The following ITK variants were observed in gnomAD, a reference collection of about 807,000 sequenced individuals.
ITK encodes tyrosine-protein kinase ITK/TSK.
ITK carries 45 observed loss-of-function variants against 87.6 expected under a neutral mutation model. The ratio of observed to expected loss-of-function variants is 0.51; its 90% confidence interval spans 0.40 to 0.66. The LOEUF (loss-of-function observed/expected upper bound fraction) is 0.66, where lower values mean the gene tolerates loss of function less well. Among genes scored for constraint, ITK ranks in the 30% least tolerant of loss-of-function variants. The pLI is 0.00. For synonymous variants in ITK, 303 were observed against 273.6 expected (o/e 1.11, Z -1.06); for missense variants, 605 against 766.3 (o/e 0.79, Z 2.48).
intron 11 of ITK, among the ~76,000 whole-genome samples, chr5:157,242,805 G>A (rs191403571): frequency 2.6e-5 from 4 of 152,146 alleles, no homozygotes; most frequent in African/African-American, 9.7e-5. Context: ...GATACAAGTG[G>A]TCAGAGGGCA....
rs752571215 is a variant in ITK, at chr5:157,208,960, C to T, written c.210C>T (p.Ile70=). 1 of 1,613,804 alleles carries T rather than the reference C, an allele frequency of 6.2e-7. No homozygotes were observed. Among genetic ancestry groups the T allele is most frequent in the Non-Finnish European group, 8.5e-7 (1 of 1,179,716 alleles). ...IKCVEIVKSD[I]SIPCHYKYPF... is the part of the protein sequence containing the mutation. ...GTGTTGAGATTGTGAAAAGTGACAT[C>T]AGCATCCCATGCCACTATAAATACC... Residue 70 remains isoleucine, a synonymous_variant, in exon 2 of 17, where the codon ATC becomes ATT. Transcript: ENST00000422843.
At chr5:157,189,170 C>T (rs1222177316) in intron 1 of ITK, among the ~76,000 whole-genome samples, 1 of 152,164 alleles carries the variant, frequency 6.6e-6, no homozygotes, top group African/African-American at 2.4e-5. Context: ...GGAGTGTCAT[C>T]ATGAATTGAT....
In ITK at chr5:157,248,889, C is replaced by T. The variant is rs1755075247; in HGVS notation, c.1673C>T (p.Pro558Leu). 6 of 1,613,774 alleles carry T rather than the reference C, an allele frequency of 3.7e-6. No homozygotes were observed. Among genetic ancestry groups the T allele is most frequent in the Middle Eastern group, 1.6e-4 (1 of 6,076 alleles). The change falls in exon 16 of 17, where the codon CCG (proline) becomes CTG (leucine). Residue 558 changes from proline (P) to leucine (L), a missense_variant. Coordinates refer to ENST00000422843, the MANE Select transcript of ITK (RefSeq NM_005546.4). ...MWEVFSEGKIPYENRSNSEVV... is the reference protein window; with the variant it reads ...MWEVFSEGKILYENRSNSEVV... Reference sequence around the variant, plus strand: ...GAAGTTTTCAGTGAAGGCAAAATCCCGTATGAAAACCGAAGCAACTCAGAG... The same window carrying T: ...GAAGTTTTCAGTGAAGGCAAAATCCTGTATGAAAACCGAAGCAACTCAGAG...
At chr5:157,211,433 C>T (rs1346195341) in intron 3 of ITK, 65 bp downstream of exon 3, 1 of 1,313,786 alleles carries the variant, frequency 7.6e-7, no homozygotes, top group Admixed American at 1.7e-5. Context: ...TTGGGTTCCA[C>T]AATAGAATAG....
intron 6 of ITK, chr5:157,224,482 A>G (rs1480187088): frequency 6.6e-6 from 1 of 152,086 alleles, no homozygotes; most frequent in Admixed American, 6.5e-5. Flanking sequence ...TCATTTTTAA[A>G]ATAGTTGCAT....
At chr5:157,192,293 G>A (rs1188987766) in intron 1 of ITK, among the ~76,000 whole-genome samples, 1 of 152,172 alleles carries the variant, frequency 6.6e-6, no homozygotes, top group Non-Finnish European at 1.5e-5. Context: ...ACAGAGTAGG[G>A]GTGGTCTGAA....
chr5:157,244,575 T>C (rs1173023944), intron 13 of ITK, 97 bp downstream of exon 13: 3 of 777,256 alleles, frequency 3.9e-6, no homozygotes, highest in Non-Finnish European at 6.8e-6. Flanking sequence ...ACATTACAGA[T>C]AATCTCCTTT....
At chr5:157,205,990 T>TTTTTGAGTC (rs1754071880) in intron 1 of ITK, among the ~76,000 whole-genome samples, 1 of 150,280 alleles carries the variant, frequency 6.7e-6, no homozygotes, top group African/African-American at 2.5e-5. Flanking sequence ...TTTTTTTTTT[T>TTTTTGAGTC]TTTTTGAGTC....
At chr5:157,238,048 C>A in intron 8 of ITK, 61 bp from the exon 9 acceptor site, 1 of 1,252,256 alleles carries the variant, frequency 8.0e-7, no homozygotes, top group South Asian at 1.2e-5. Context: ...GAAAGTGGAG[C>A]TGGAGGCATA....
At chr5:157,224,170 G>C (rs1337507359) in intron 6 of ITK, among the ~76,000 whole-genome samples, 1 of 151,792 alleles carries the variant, frequency 6.6e-6, no homozygotes, top group Non-Finnish European at 1.5e-5. Context: ...TGTAATCCCA[G>C]CTACTCCACT....
Position 157,180,982 on chromosome 5 carries a change from A to G in ITK, c.5A>G (p.Asn2Ser), listed in dbSNP as rs1378999585. The G allele has an allele frequency of 1.9e-6, 3 of 1,613,938 alleles. No homozygotes were observed. Among genetic ancestry groups the G allele is most frequent in the East Asian group, 2.2e-5 (1 of 44,868 alleles). The change falls in exon 1 of 17, where the codon AAC becomes AGC. Residue 2 changes from asparagine to serine, a missense_variant. Asn to Ser is a conservative substitution (Grantham distance 46). Around this residue, in one of 3 missense-constraint regions of ITK, gnomAD observed 464 missense variants for 578.0 expected, o/e 0.80. Transcript: ENST00000422843. M[N>S]NFILLEEQLI... ...CCACCTTTCAAGAACTGGATCATGAACAACTTTATCCTCCTGGAAGAACAG... is the reference window on the plus strand; with the variant it reads ...CCACCTTTCAAGAACTGGATCATGAGCAACTTTATCCTCCTGGAAGAACAG...
intron 3 of ITK, among the ~76,000 whole-genome samples, chr5:157,213,121 G>A (rs1158501645): frequency 3.9e-5 from 6 of 152,156 alleles, no homozygotes; most frequent in Admixed American, 2.6e-4. Context: ...TGGCTGGGAG[G>A]CCTCAGGAAA....
At chr5:157,231,921 T>C (rs1754662923) in intron 7 of ITK, among the ~76,000 whole-genome samples, 2 of 152,194 alleles carry the variant, frequency 1.3e-5, no homozygotes, top group African/African-American at 2.4e-5. Context: ...AGCACCCTCC[T>C]CCTTATAACG....
intron 4 of ITK, among the ~76,000 whole-genome samples, chr5:157,216,176 C>T (rs948249833): frequency 2.6e-5 from 4 of 152,172 alleles, no homozygotes; most frequent in African/African-American, 9.7e-5. Context: ...CAGTTGAGAG[C>T]AGAGTTTTCA....
rs147894084 is a variant in ITK at position 157,243,152 on chromosome 5, G to T, written c.1061-471G>T. On this transcript the variant is annotated intron_variant, in intron 11 of 16. Coordinates refer to ENST00000422843, the MANE Select transcript of ITK (RefSeq NM_005546.4). The stretch of plus-strand genomic sequence containing the variant: ...AACATTTCTTGAGAGCCTCCCATGT[G>T]CCAGACACTGTGCTAGCTTGTGCCT... Among the ~76,000 whole-genome samples the T allele has an allele frequency of 2.2e-3, 338 of 152,316 alleles. 5 individuals are homozygous for T. The highest frequency in any genetic ancestry group is 7.6e-3 in the African/African-American group (316 of 41,564).
intron 3 of ITK, chr5:157,213,813 T>TGG (rs1036150805): frequency 2.3e-5 from 8 of 354,034 alleles, no homozygotes; most frequent in Non-Finnish European, 4.4e-5. Context: ...GTAGGAGAGG[T>TGG]GGGGGGTGGT....
At chr5:157,236,626 A>G (rs1019951338) in intron 8 of ITK, among the ~76,000 whole-genome samples, 3 of 152,206 alleles carry the variant, frequency 2.0e-5, no homozygotes, top group Non-Finnish European at 4.4e-5. Context: ...AGTTAAGTGA[A>G]TCATAATATT....
intron 7 of ITK, among the ~76,000 whole-genome samples, chr5:157,230,672 A>G (rs34906042): frequency 0.016 from 2,486 of 152,362 alleles, 27 homozygotes; most frequent in Non-Finnish European, 0.027. Context: ...AGAAAAAACA[A>G]TAAGCATTTA....
At chr5:157,225,354 T>G (rs1754510017) in intron 6 of ITK, among the ~76,000 whole-genome samples, 1 of 152,126 alleles carries the variant, frequency 6.6e-6, no homozygotes, top group South Asian at 2.1e-4. Flanking sequence ...ATCTTAATTT[T>G]GCCACATAAT....
Sources: gnomAD v4.1 joint callset for allele counts (sites outside exome capture counted in the v4.1 genomes callset) on GRCh38, gnomAD v4.1.1 for gene constraint, gnomAD v4.1.1 regional missense constraint, MANE v1.5 for transcripts, NCBI Gene and HGNC (gene_info 2026-07-23, HGNC 2026-07-21) for gene names.